Variants in ELMO1 observed in about 807,000 individuals in gnomAD.
ELMO1 encodes engulfment and cell motility protein 1.
In ELMO1, 26 loss-of-function variants were observed where a neutral mutation model predicts 98.9. That is an observed-to-expected ratio of 0.26 (90% CI 0.19 to 0.36). The LOEUF is 0.36. Ranked by LOEUF, ELMO1 falls within the 10% of genes least tolerant of loss-of-function variation. The probability of loss-of-function intolerance (pLI) is 1.00; values close to 1 mark genes in which losing one functional copy is unlikely to be tolerated. For missense variants in ELMO1, 627 were observed against 935.2 expected, an observed-to-expected ratio of 0.67 and a Z score of 4.30; for synonymous variants, 346 against 346.0, an observed-to-expected ratio of 1.00 and a Z score of 0.00.
chr7:37,371,840 T>C (rs943342169), intron 1 of ELMO1, among the ~76,000 whole-genome samples: 3 of 152,192 alleles, frequency 2.0e-5, no homozygotes, highest in Admixed American at 2.0e-4. Flanking sequence ...CCTGATGAGT[T>C]GCGAAGAGCA....
chr7:37,446,397 C>T (rs1805619100), intron 1 of ELMO1, among the ~76,000 whole-genome samples: 2 of 152,068 alleles, frequency 1.3e-5, no homozygotes, highest in African/African-American at 4.8e-5. Flanking sequence ...CATAAGAGGC[C>T]CAGGGAGTGT....
At chr7:37,124,101 C>G (rs915582507) in intron 14 of ELMO1, among the ~76,000 whole-genome samples, 1 of 152,168 alleles carries the variant, frequency 6.6e-6, no homozygotes, top group Non-Finnish European at 1.5e-5. Flanking sequence ...ATGCTAAAAA[C>G]TCTCAATAAA....
In ELMO1 at chr7:37,231,135, A is replaced by AGG. The variant is rs1794151777; in HGVS notation, c.549+1959_549+1960insCC. ...CCCCTTTGGCTTTATGGATTTACAT[A>AGG]AGGAAAGAGAGTTGATTCTGAGATG... On this transcript the variant is annotated intron_variant, in intron 8 of 21. Transcript: ENST00000310758. Among the ~76,000 whole-genome samples, 4 of 152,144 alleles carry AGG rather than the reference A, an allele frequency of 2.6e-5. No homozygotes were observed. In the South Asian group the frequency reaches 8.3e-4, roughly 32 times the overall value.
At chr7:37,122,690 A>G (rs1786154896) in intron 14 of ELMO1, among the ~76,000 whole-genome samples, 1 of 152,178 alleles carries the variant, frequency 6.6e-6, no homozygotes, top group Non-Finnish European at 1.5e-5. Context: ...ATAATGGGAG[A>G]CTTTAACACC....
chr7:36,938,824 A>G (rs183708241), intron 16 of ELMO1, among the ~76,000 whole-genome samples: 4 of 152,200 alleles, frequency 2.6e-5, no homozygotes, highest in Non-Finnish European at 5.9e-5. Context: ...TTTTTTGTCT[A>G]TTTTGTTCAG....
chr7:37,133,306 C>T lies in ELMO1; in HGVS notation c.1087-72G>A. ...TTACCAACCACCAGAGATCTGATTT[C>T]CCTCCTCAAGAGTGAAGTGCTACAA... On this transcript the variant is annotated intron_variant, in intron 13 of 21. Coordinates refer to ENST00000310758, the MANE Select transcript of ELMO1 (RefSeq NM_014800.11). 5 of 1,210,226 alleles carry T rather than the reference C, an allele frequency of 4.1e-6. No homozygotes were observed. In the South Asian group the frequency reaches 5.4e-5, roughly 13 times the overall value. The allele number at this position is 1,210,226 out of a possible 1,614,324, so 75.0% of individuals were successfully genotyped here.
intron 4 of ELMO1, among the ~76,000 whole-genome samples, chr7:37,290,721 T>C (rs1438016632): frequency 2.6e-5 from 4 of 152,160 alleles, no homozygotes; most frequent in South Asian, 4.1e-4. Context: ...AGGCAATATC[T>C]TAGAGAATGC....
chr7:36,921,294 T>A (rs1360379236), intron 16 of ELMO1, among the ~76,000 whole-genome samples: 1 of 152,218 alleles, frequency 6.6e-6, no homozygotes, highest in East Asian at 1.9e-4. Flanking sequence ...GCAGGCCCAC[T>A]GGACCAAATC....
intron 16 of ELMO1, among the ~76,000 whole-genome samples, chr7:36,979,267 C>T (rs377348958): frequency 1.3e-5 from 2 of 152,310 alleles, no homozygotes; most frequent in African/African-American, 4.8e-5. Flanking sequence ...AGACTATTTT[C>T]CCCTCCCATA....
At chr7:36,986,658 CCTCT>C (rs987798626) in intron 16 of ELMO1, 38 of 152,260 alleles carry the variant, frequency 2.5e-4, no homozygotes, top group African/African-American at 8.9e-4. Flanking sequence ...CATCTCTTCC[CCTCT>C]CTCTACTTTT....
intron 4 of ELMO1, among the ~76,000 whole-genome samples, chr7:37,283,950 C>T (rs573775788): frequency 1.3e-4 from 20 of 152,356 alleles, no homozygotes; most frequent in African/African-American, 4.1e-4. Flanking sequence ...CTTCCTCAAA[C>T]TGGAGGCCAC....
At chr7:37,012,476 C>T (rs1277581027) in intron 16 of ELMO1, among the ~76,000 whole-genome samples, 1 of 152,138 alleles carries the variant, frequency 6.6e-6, no homozygotes, top group Non-Finnish European at 1.5e-5. Context: ...GGGTGATGGG[C>T]CTGACCACAG....
chr7:37,201,781 T>C (rs1380336161), intron 13 of ELMO1, among the ~76,000 whole-genome samples: 5 of 152,258 alleles, frequency 3.3e-5, no homozygotes, highest in Admixed American at 2.0e-4. Context: ...TGGCTATTTC[T>C]GCTCTGGTTC....
intron 2 of ELMO1, among the ~76,000 whole-genome samples, chr7:37,324,414 G>A: frequency 7.4e-6 from 1 of 135,854 alleles, no homozygotes; most frequent in Non-Finnish European, 1.6e-5. Context: ...AGAAAAAAAA[G>A]GCTGCTTCCA....
intron 2 of ELMO1, among the ~76,000 whole-genome samples, chr7:37,326,415 C>T (rs528995149): frequency 1.3e-5 from 2 of 151,938 alleles, no homozygotes; most frequent in African/African-American, 2.4e-5. Flanking sequence ...ATTAGCCGGG[C>T]GTGGTGGGGT....
At chr7:37,365,053 G>A (rs1368960527) in intron 1 of ELMO1, among the ~76,000 whole-genome samples, 3 of 152,152 alleles carry the variant, frequency 2.0e-5, no homozygotes, top group African/African-American at 4.8e-5. Flanking sequence ...TGAGCCTGCG[G>A]AGAATGGAAA....
chr7:36,917,466 T>C (rs1307576019), intron 16 of ELMO1, among the ~76,000 whole-genome samples: 2 of 152,058 alleles, frequency 1.3e-5, no homozygotes, highest in Non-Finnish European at 2.9e-5. Context: ...AAATAGAGAA[T>C]TGGATAAAGG....
intron 1 of ELMO1, among the ~76,000 whole-genome samples, chr7:37,370,324 C>T (rs1480772514): frequency 6.6e-6 from 1 of 150,850 alleles, no homozygotes; most frequent in Non-Finnish European, 1.5e-5. Flanking sequence ...CTCTCCACCT[C>T]CTTCTCCCCA....
intron 16 of ELMO1, among the ~76,000 whole-genome samples, chr7:36,953,842 TG>T (rs1562852424): frequency 6.8e-3 from 30 of 4,380 alleles, no homozygotes; most frequent in Middle Eastern, 0.33. Context: ...GTATGTTTTG[TG>T]TGTGTGTGTG....
Sources: gnomAD v4.1 joint callset for allele counts (sites outside exome capture counted in the v4.1 genomes callset) on GRCh38, gnomAD v4.1.1 for gene constraint, MANE v1.5 for transcripts, NCBI Gene and HGNC (gene_info 2026-07-23, HGNC 2026-07-21) for gene names.